The following TUSC3 variants were observed in gnomAD, a reference collection of about 807,000 sequenced individuals.
TUSC3 encodes tumor suppressor candidate 3.
In TUSC3, 45 loss-of-function variants were observed where a neutral mutation model predicts 44.8. The observed-to-expected ratio is 1.00, with a 90% CI of 0.79 to 1.29. The LOEUF is 1.29. TUSC3 is among the 50% of genes most tolerant of loss of function. TUSC3 has a pLI of 0.00. For missense variants in TUSC3, 519 were observed against 437.9 expected (o/e 1.19, Z -1.65); for synonymous variants, 212 against 152.9 (o/e 1.39, Z -2.85).
chr8:15,498,238 T>G (rs1471481945), intron 2 of TUSC3, among the ~76,000 whole-genome samples: 1 of 152,194 alleles, frequency 6.6e-6, no homozygotes, highest in Non-Finnish European at 1.5e-5. Flanking sequence ...TACCTTCCAG[T>G]GGATAAAGAT....
At chr8:15,634,167 G>C (rs1056099789) in intron 2 of TUSC3, among the ~76,000 whole-genome samples, 3 of 152,168 alleles carry the variant, frequency 2.0e-5, no homozygotes, top group Non-Finnish European at 4.4e-5. Context: ...TCCAGCCCTG[G>C]GGAGTGTATG....
chr8:15,829,113 T>G, the TUSC3 span, among the ~76,000 whole-genome samples: 1 of 152,182 alleles, frequency 6.6e-6, no homozygotes, highest in Non-Finnish European at 1.5e-5. Flanking sequence ...CATATTTTAT[T>G]ATTCTATGTC....
In TUSC3 at chr8:15,485,475, TG is replaced by T. The variant is rs201947804; in HGVS notation, n.189+1993del. Reference sequence around the variant, plus strand: ...TTATACTCTGTTGTCTTTTTTTTTTTGTTTTTTGTGACACAGAGTTCTTGTC... The same window carrying T: ...TTATACTCTGTTGTCTTTTTTTTTTTTTTTTTGTGACACAGAGTTCTTGTC... On this transcript the variant is annotated intron_variant and non_coding_transcript_variant, in intron 2 of 5. Transcript: ENST00000503191. Among the ~76,000 whole-genome samples the T allele has an allele frequency of 3.7e-3, 560 of 150,692 alleles. 19 individuals carry two copies. The highest frequency in any genetic ancestry group is 0.013 in the African/African-American group (519 of 40,850).
chr8:15,598,993 A>G (rs1804175346), intron 1 of TUSC3, among the ~76,000 whole-genome samples: 1 of 151,744 alleles, frequency 6.6e-6, no homozygotes, highest in Non-Finnish European at 1.5e-5. Flanking sequence ...GGTTAAAATT[A>G]TGGTAATTTT....
intron 3 of TUSC3, among the ~76,000 whole-genome samples, chr8:15,658,631 CATAT>C (rs146151106): frequency 1.8e-5 from 2 of 109,420 alleles, no homozygotes; most frequent in African/African-American, 7.4e-5. Flanking sequence ...TATATATACA[CATAT>C]ATATACACAC....
intron 8 of TUSC3, 107 bp downstream of exon 8, chr8:15,743,719 T>C: frequency 8.2e-7 from 1 of 1,223,582 alleles, no homozygotes; most frequent in Non-Finnish European, 1.2e-6. Flanking sequence ...TCTAAAGAAA[T>C]GTTCTGGTTT....
the TUSC3 span, among the ~76,000 whole-genome samples, chr8:15,820,975 C>G: frequency 6.6e-6 from 1 of 152,138 alleles, no homozygotes; most frequent in Non-Finnish European, 1.5e-5. Context: ...CTATTTGCCA[C>G]TTTTGTTACT....
intron 6 of TUSC3, among the ~76,000 whole-genome samples, chr8:15,675,829 C>T (rs1808164269): frequency 1.3e-5 from 2 of 152,058 alleles, no homozygotes; most frequent in Admixed American, 6.6e-5. Flanking sequence ...TTTCTTTATC[C>T]ACACTGTGGA....
At chr8:15,744,234 G>A (rs1305495268) in intron 8 of TUSC3, among the ~76,000 whole-genome samples, 1 of 151,984 alleles carries the variant, frequency 6.6e-6, no homozygotes, top group Admixed American at 6.6e-5. Flanking sequence ...TTCTTTGATG[G>A]GACCATTTCT....
intron 1 of TUSC3, chr8:15,561,666 T>C (rs10094079): frequency 0.16 from 23,667 of 143,518 alleles, 2,263 homozygotes; most frequent in South Asian, 0.22. Context: ...ACTCCGTGGG[T>C]GTAGGACCCT....
the TUSC3 span, among the ~76,000 whole-genome samples, chr8:15,840,106 T>C: frequency 1.3e-5 from 2 of 152,022 alleles, no homozygotes; most frequent in African/African-American, 4.8e-5. Flanking sequence ...AAACCATCAT[T>C]CTCAGCAAAC....
intron 7 of TUSC3, among the ~76,000 whole-genome samples, chr8:15,741,183 A>C (rs1811179743): frequency 6.6e-6 from 1 of 152,148 alleles, no homozygotes; most frequent in Non-Finnish European, 1.5e-5. Context: ...ATGTGTATAA[A>C]ATTTGACCCT....
upstream of TUSC3, among the ~76,000 whole-genome samples, chr8:15,538,882 C>G (rs1274249167): frequency 6.6e-6 from 1 of 151,662 alleles, no homozygotes; most frequent in Non-Finnish European, 1.5e-5. Flanking sequence ...CAGGGTTTTG[C>G]TCTGTCTCCC....
At chr8:15,550,197 G>C (rs1250442082) in intron 1 of TUSC3, among the ~76,000 whole-genome samples, 2 of 151,734 alleles carry the variant, frequency 1.3e-5, no homozygotes, top group Non-Finnish European at 2.9e-5. Flanking sequence ...GCACCGGGCT[G>C]TCTGTCTGTG....
chr8:15,481,818 A>G (rs1800665676), intron 1 of TUSC3, among the ~76,000 whole-genome samples: 1 of 152,168 alleles, frequency 6.6e-6, no homozygotes, highest in Admixed American at 6.6e-5. Context: ...CTTGATGTTA[A>G]TGGATGCTGA....
intron 5 of TUSC3, among the ~76,000 whole-genome samples, chr8:15,669,305 A>G (rs1353016716): frequency 1.1e-4 from 17 of 151,788 alleles, no homozygotes; most frequent in Admixed American, 1.1e-3. Context: ...CATGATGACT[A>G]ACTCTTCTAA....
At chr8:15,451,240 T>TA (rs1252688822) in intron 1 of TUSC3, among the ~76,000 whole-genome samples, 1 of 152,198 alleles carries the variant, frequency 6.6e-6, no homozygotes, top group Non-Finnish European at 1.5e-5. Context: ...GTCTTTCTCT[T>TA]AGTTTCCTGG....
At chr8:15,449,220 A>G (rs1364538062) in intron 1 of TUSC3, among the ~76,000 whole-genome samples, 3 of 152,200 alleles carry the variant, frequency 2.0e-5, no homozygotes, top group South Asian at 2.1e-4. Context: ...CCAAATATAC[A>G]TATTCAGTAA....
At chr8:15,812,705 C>T in the TUSC3 span, among the ~76,000 whole-genome samples, 1 of 152,262 alleles carries the variant, frequency 6.6e-6, no homozygotes, top group African/African-American at 2.4e-5. Flanking sequence ...GCTAATAGTA[C>T]ATGAGTGTAG....
Sources: allele counts gnomAD v4.1 joint callset (sites outside exome capture counted in the v4.1 genomes callset), GRCh38; gene constraint gnomAD v4.1.1; transcripts MANE v1.5; gene names NCBI Gene and HGNC (gene_info 2026-07-23, HGNC 2026-07-21).